The following JAK2 variants were observed in gnomAD, a reference collection of about 807,000 sequenced individuals.
JAK2 encodes the protein tyrosine-protein kinase JAK2.
JAK2 carries 86 observed loss-of-function variants against 139.3 expected under a neutral mutation model. The ratio of observed to expected loss-of-function variants is 0.62; its 90% CI spans 0.52 to 0.74. JAK2 has a LOEUF of 0.74. Ranked by LOEUF, JAK2 falls within the 30% of genes least tolerant of loss-of-function variation. The pLI, the probability that JAK2 is intolerant of heterozygous loss-of-function variation, is 0.00. For synonymous variants in JAK2, 490 were observed against 437.7 expected (o/e 1.12, Z -1.49); for missense variants, 1,421 against 1,360.3 (o/e 1.04, Z -0.70).
Position 5,022,131 on chromosome 9 carries a change from G to A in JAK2, c.144G>A (p.Gly48=). ...VLQVYLYHSL[G]KSEADYLTFP... Reference sequence around the variant, plus strand: ...AGGTGTATCTTTACCATTCCCTTGGGAAATCTGAGGCAGATTATCTGACCT... The same window carrying A: ...AGGTGTATCTTTACCATTCCCTTGGAAAATCTGAGGCAGATTATCTGACCT... The change falls in exon 3 of 25, where the codon GGG becomes GGA. Residue 48 remains glycine, a synonymous_variant. Coordinates refer to ENST00000381652, the MANE Select transcript of JAK2 (RefSeq NM_004972.4). 6.2e-7 allele frequency: 1 copy of A among 1,614,118 alleles called. No individual in the cohort carries two copies. Among genetic ancestry groups the A allele is most frequent in the Non-Finnish European group, 8.5e-7 (1 of 1,179,992 alleles).
At position 5,128,080 on chromosome 9, in the gene JAK2, TTGTGTGTGTGTGTGTGTGTG is replaced by T. The variant is rs139964957; in HGVS notation, c.*1311_*1330del. 3.1e-5 allele frequency: 7 copies of T among 224,690 alleles called. No individual in the cohort carries two copies. The highest frequency in any genetic ancestry group is 3.8e-4 in the South Asian group (2 of 5,240). The allele number at this position is 224,690 out of a possible 1,614,324, so 13.9% of individuals were successfully genotyped here. A position where few individuals can be genotyped will look rare whatever the true frequency, so the allele number is the denominator to read the frequency against. Reference sequence around the variant, plus strand: ...TAGCTAAAATAAAATATGGTGGGTTTTGTGTGTGTGTGTGTGTGTGTGTGTGTGTGTGTGTGTGTGTTATT... The same window carrying T: ...TAGCTAAAATAAAATATGGTGGGTTTTGTGTGTGTGTGTGTGTGTGTTATT... On this transcript the variant is annotated 3_prime_UTR_variant, in exon 25 of 25. Transcript: ENST00000381652.
chr9:4,989,089 C>T (rs916261181), intron 2 of JAK2, among the ~76,000 whole-genome samples: 13 of 152,138 alleles, frequency 8.5e-5, no homozygotes, highest in Admixed American at 5.9e-4. Flanking sequence ...CATTCCCTTG[C>T]CCCAAAACCT....
intron 21 of JAK2, 78 bp downstream of exon 21, chr9:5,090,648 T>C (rs1820504544): frequency 3.3e-6 from 5 of 1,513,302 alleles, no homozygotes; most frequent in Admixed American, 4.4e-5. Context: ...CTAGACGTTT[T>C]CATAGATAAT....
intron 8 of JAK2, among the ~76,000 whole-genome samples, chr9:5,057,114 ATTATT>A (rs1430635002): frequency 6.6e-6 from 1 of 152,084 alleles, no homozygotes; most frequent in Non-Finnish European, 1.5e-5. Context: ...GTATACAAGT[ATTATT>A]TTATGTTTTT....
chr9:5,083,933 G>C (rs528710517), intron 19 of JAK2, among the ~76,000 whole-genome samples: 19 of 151,846 alleles, frequency 1.3e-4, no homozygotes, highest in Non-Finnish European at 2.8e-4. Flanking sequence ...TCTATATCTT[G>C]CTATTTTTCA....
chr9:5,013,016 T>G (rs1480710210), intron 2 of JAK2, among the ~76,000 whole-genome samples: 1 of 152,164 alleles, frequency 6.6e-6, no homozygotes, highest in Non-Finnish European at 1.5e-5. Flanking sequence ...TGAAATATAG[T>G]TTGGAAGTAA....
In JAK2 at chr9:5,126,321, GGTTT is replaced by G. The variant is rs755963730; in HGVS notation, c.3178-7_3178-4del. 6.5e-6 allele frequency: 10 copies of G among 1,545,164 alleles called. No individual in the cohort carries two copies. Among genetic ancestry groups the G allele is most frequent in the Middle Eastern group, 1.7e-4 (1 of 5,882 alleles). On this transcript the variant is annotated splice_polypyrimidine_tract_variant and splice_region_variant and intron_variant, in intron 23 of 24. Transcript: ENST00000381652. ...AAATGTACAAAAAATATTGAAAGTGGGTTTGTTTTAGGAATTTATGCGTATGATT... is the reference window on the plus strand; with the variant it reads ...AAATGTACAAAAAATATTGAAAGTGGGTTTTAGGAATTTATGCGTATGATT...
chr9:5,112,097 T>C (rs907788764), intron 22 of JAK2: 2 of 352,988 alleles, frequency 5.7e-6, no homozygotes, highest in Non-Finnish European at 1.1e-5. Flanking sequence ...ACCACCTACC[T>C]GAACGAGGGC....
intron 19 of JAK2, among the ~76,000 whole-genome samples, chr9:5,083,227 C>G (rs866929545): frequency 6.6e-6 from 1 of 152,130 alleles, no homozygotes; most frequent in Non-Finnish European, 1.5e-5. Context: ...TGCTTAGGGT[C>G]TAGGATTTTG....
intron 22 of JAK2, chr9:5,114,855 G>T: frequency 4.3e-6 from 1 of 232,098 alleles, no homozygotes; most frequent in East Asian, 1.4e-4. Context: ...CTGTGTGGTG[G>T]GAAGGGCTGG....
intron 22 of JAK2, chr9:5,098,362 G>C (rs1366467629): frequency 6.6e-6 from 1 of 152,092 alleles, no homozygotes; most frequent in African/African-American, 2.4e-5. Context: ...AGTTCAATTA[G>C]GCCTTCAAGA....
In JAK2 at chr9:5,126,358, A is replaced by G; in HGVS notation, c.3203A>G (p.Asp1068Gly). The G allele has an allele frequency of 6.2e-7, 1 of 1,609,126 alleles. No homozygotes were observed. Among genetic ancestry groups the G allele is most frequent in the Non-Finnish European group, 8.5e-7 (1 of 1,177,242 alleles). The stretch of plus-strand genomic sequence containing the variant: ...GAATTTATGCGTATGATTGGCAATG[A>G]CAAACAAGGACAGATGATCGTGTTC... Reference protein sequence around the residue: ...PAEFMRMIGNDKQGQMIVFHL... With the variant: ...PAEFMRMIGNGKQGQMIVFHL... The change falls in exon 24 of 25, where the codon GAC becomes GGC. Residue 1068 changes from aspartate to glycine, a missense_variant. Coordinates refer to ENST00000381652, the MANE Select transcript of JAK2 (RefSeq NM_004972.4).
chr9:4,988,376 G>C (rs1820080874), intron 2 of JAK2, among the ~76,000 whole-genome samples: 1 of 152,240 alleles, frequency 6.6e-6, no homozygotes, highest in Admixed American at 6.5e-5. Context: ...AATGAATGTA[G>C]AACAGGAAAT....
intron 22 of JAK2, among the ~76,000 whole-genome samples, chr9:5,117,725 G>A (rs1169236844): frequency 1.3e-5 from 2 of 151,814 alleles, no homozygotes; most frequent in Non-Finnish European, 1.5e-5. Context: ...GGTAAATACT[G>A]GTAGATATAA....
chr9:5,028,008 C>T (rs1406447160), intron 3 of JAK2, among the ~76,000 whole-genome samples: 1 of 152,196 alleles, frequency 6.6e-6, no homozygotes, highest in Admixed American at 6.5e-5. Flanking sequence ...TTTTGACCTC[C>T]TCTCATGAAC....
Position 5,128,656 on chromosome 9 carries a change from T to C in JAK2, c.*1865T>C, listed in dbSNP as rs1466902019. Reference sequence around the variant, plus strand: ...AGTTTTATATAAAGAATCCCACATGTACATTCTTGTTTTTAGAATGGGGTG... The same window carrying C: ...AGTTTTATATAAAGAATCCCACATGCACATTCTTGTTTTTAGAATGGGGTG... On this transcript the variant is annotated 3_prime_UTR_variant, in exon 25 of 25. Transcript: ENST00000381652. Among the ~76,000 whole-genome samples the C allele has an allele frequency of 1.3e-5, 2 of 151,962 alleles. No individual in the cohort carries two copies. The highest frequency in any genetic ancestry group is 2.4e-5 in the African/African-American group (1 of 41,452).
intron 2 of JAK2, among the ~76,000 whole-genome samples, chr9:5,019,650 G>C (rs1311564966): frequency 1.3e-5 from 2 of 152,140 alleles, no homozygotes; most frequent in African/African-American, 4.8e-5. Context: ...CACACATCTG[G>C]TGTAATCATC....
At chr9:5,046,687 G>A (rs1430248878) in intron 5 of JAK2, among the ~76,000 whole-genome samples, 1 of 152,090 alleles carries the variant, frequency 6.6e-6, no homozygotes, top group Non-Finnish European at 1.5e-5. Context: ...CACCTTTGTT[G>A]AAAATCATTT....
chr9:5,119,939 A>G (rs10217652), intron 22 of JAK2, among the ~76,000 whole-genome samples: 57,269 of 152,064 alleles, frequency 0.38, 12,080 homozygotes, highest in African/African-American at 0.59. Context: ...TAGAATATGA[A>G]TTGATAAAAT....
Sources: gnomAD v4.1 joint callset for allele counts (sites outside exome capture counted in the v4.1 genomes callset) on GRCh38, gnomAD v4.1.1 for gene constraint, MANE v1.5 for transcripts, NCBI Gene and HGNC (gene_info 2026-07-23, HGNC 2026-07-21) for gene names.